DLG4: variants seen among roughly 807,000 people sequenced by gnomAD.
DLG4 encodes the protein discs large MAGUK scaffold protein 4, also known as disks large homolog 4.
In DLG4, 7 loss-of-function variants were observed where a neutral mutation model predicts 93.8. That is an observed-to-expected ratio of 0.07 (90% CI 0.04 to 0.14). DLG4 has a LOEUF of 0.14. Among genes scored for constraint, DLG4 ranks in the 10% least tolerant of loss-of-function variants. DLG4 has a pLI of 1.00. For synonymous variants in DLG4, 341 were observed against 387.6 expected (o/e 0.88, Z 1.41); for missense variants, 545 against 992.9 (o/e 0.55, Z 6.06).
chr17:7,192,911 G>C (rs982870020), intron 17 of DLG4, 34 bp downstream of exon 17: 2 of 1,567,542 alleles, frequency 1.3e-6, no homozygotes, highest in African/African-American at 2.7e-5. Context: ...GGAGAGGGGA[G>C]AAGGAAGAGG....
chr17:7,219,560 T>A (rs1443770561), upstream of DLG4: 2 of 1,108,298 alleles, frequency 1.8e-6, no homozygotes, highest in East Asian at 7.2e-5. Flanking sequence ...CTAGAGTCTG[T>A]CTTTCCATGT....
intron 1 of DLG4, among the ~76,000 whole-genome samples, chr17:7,209,821 G>T (rs1050821420): frequency 1.3e-4 from 19 of 151,768 alleles, no homozygotes; most frequent in Admixed American, 7.9e-4. Flanking sequence ...TGCCGAGGTG[G>T]GTACATCACC....
chr17:7,203,680 T>G lies in DLG4; in HGVS notation c.335+12A>C. 1 of 1,613,822 alleles carries G rather than the reference T, an allele frequency of 6.2e-7. No individual in the cohort carries two copies. The highest frequency in any genetic ancestry group is 1.1e-5 in the South Asian group (1 of 91,064). On this transcript the variant is annotated intron_variant, in intron 5 of 19. Transcript: ENST00000399506. This position sits in a 1 kb window ranked among gnomAD's most constrained non-coding sequence, Gnocchi z 7.2. ...GGGACCAAGCAACCTAACCCCTGTC[T>G]CCTCTCCCCACCTGAGGCGGCCATC...
upstream of DLG4, chr17:7,218,438 G>A: frequency 7.2e-7 from 1 of 1,389,150 alleles, no homozygotes. Context: ...GACCCTGCAT[G>A]GTGCTCCAGC....
In DLG4 at chr17:7,187,322, G is replaced by T. The variant is rs2069323432; in HGVS notation, c.*3386C>A. On this transcript the variant is annotated 3_prime_UTR_variant, in exon 20 of 20. Transcript: ENST00000399506. ...TGGGAGGCCGAGGGGGGGGGGGGTG[G>T]ATCACCCGAGGTCAGGAGTTCGAGA... is the stretch of plus-strand genomic sequence containing the variant. 8.2e-6 allele frequency among the ~76,000 whole-genome samples: 1 copy of T among 121,244 alleles called. No homozygotes were observed. Among genetic ancestry groups the T allele is most frequent in the African/African-American group, 2.7e-5 (1 of 37,020 alleles). 79.5% of individuals were successfully genotyped at this position (121,244 alleles called of 152,430 possible).
rs188310504 is a variant in DLG4 at position 7,203,346 on chromosome 17, C to G, written c.506-17G>C. ...AGCCAAGACCTGGATGGAGGGGAGG[C>G]CAGAGGTGGGTGCCCAGGAAGCAGG... On this transcript the variant is annotated splice_polypyrimidine_tract_variant and intron_variant, in intron 6 of 19. Transcript: ENST00000399506. The surrounding 1 kb of genome is among the most constrained non-coding windows in gnomAD (Gnocchi z 7.2). 1.4e-5 allele frequency: 23 copies of G among 1,593,300 alleles called. No individual in the cohort carries two copies. Among genetic ancestry groups the G allele is most frequent in the Non-Finnish European group, 8.6e-7 (1 of 1,164,412 alleles).
chr17:7,210,825 A>T (rs1365729503), intron 1 of DLG4, among the ~76,000 whole-genome samples: 1 of 152,082 alleles, frequency 6.6e-6, no homozygotes, highest in African/African-American at 2.4e-5. Flanking sequence ...GTCAGCGTGC[A>T]CCCAAAGAAA....
chr17:7,197,290 C>T (rs767240253), intron 8 of DLG4, among the ~76,000 whole-genome samples: 2 of 151,968 alleles, frequency 1.3e-5, no homozygotes, highest in Non-Finnish European at 2.9e-5. Context: ...GTTATATGTC[C>T]TCAGTATGCC....
Position 7,194,479 on chromosome 17 carries a change from C to T in DLG4, c.1318G>A (p.Asp440Asn), listed in dbSNP as rs1457576861. ...GFYIRALFDYDKTKDCGFLSQ... is the reference protein window; with the variant it reads ...GFYIRALFDYNKTKDCGFLSQ... ...AGGAAGCCGCAGTCCTTGGTCTTGT[C>T]GTAATCAAACAGGGCCCTGGAGGGC... Residue 440 changes from aspartate to asparagine, a missense_variant, in exon 12 of 20, where the codon GAC (aspartate) becomes AAC (asparagine). Asp to Asn is a conservative substitution (Grantham distance 23). Around this residue, in one of 5 missense-constraint regions of DLG4, gnomAD observed 428 missense variants for 741.4 expected, o/e 0.58. Coordinates refer to ENST00000399506, the MANE Select transcript of DLG4 (RefSeq NM_001321075.3). This position sits in a 1 kb window ranked among gnomAD's most constrained non-coding sequence, Gnocchi z 4.4. 2 of 1,606,782 alleles carry T rather than the reference C, an allele frequency of 1.2e-6. No individual in the cohort carries two copies. The highest frequency in any genetic ancestry group is 1.7e-6 in the Non-Finnish European group (2 of 1,176,830).
upstream of DLG4, chr17:7,219,902 G>A (rs879906860): frequency 1.9e-6 from 3 of 1,555,698 alleles, no homozygotes; most frequent in East Asian, 2.3e-5. Flanking sequence ...GATGAGTCAG[G>A]GTTAGGGGCG....
At chr17:7,216,259 C>A (rs1454628033) in intron 1 of DLG4, among the ~76,000 whole-genome samples, 1 of 152,110 alleles carries the variant, frequency 6.6e-6, no homozygotes, top group Non-Finnish European at 1.5e-5. Flanking sequence ...TTGATCAGGG[C>A]TAGATACAGT....
chr17:7,218,821 T>C (rs775264632), upstream of DLG4: 30 of 1,613,694 alleles, frequency 1.9e-5, no homozygotes, highest in Middle Eastern at 1.6e-4. Flanking sequence ...CAAGGAGCCC[T>C]GTTTTTCACC....
chr17:7,213,004 G>T (rs993156951), intron 1 of DLG4, among the ~76,000 whole-genome samples: 1 of 152,016 alleles, frequency 6.6e-6, no homozygotes, highest in African/African-American at 2.4e-5. Context: ...CTGCACTCTA[G>T]CCTAGGCGAC....
chr17:7,199,529 T>G (rs1241149004), intron 8 of DLG4, among the ~76,000 whole-genome samples: 1 of 152,102 alleles, frequency 6.6e-6, no homozygotes, highest in East Asian at 1.9e-4. Flanking sequence ...ATTATGATCT[T>G]AAAGATTTTA....
chr17:7,216,346 C>T (rs569268156), intron 1 of DLG4, among the ~76,000 whole-genome samples: 2 of 152,230 alleles, frequency 1.3e-5, no homozygotes, highest in African/African-American at 4.8e-5. Flanking sequence ...GGTCCCCCTC[C>T]TCAAATCCCC....
chr17:7,208,933 G>A lies in DLG4; in HGVS notation c.31-694C>T, dbSNP rs866746509. ...CACTGCCCTTGCTGGTTTCCAAGCA[G>A]TCAACAGAGGGGCCCCGGGAGTCTG... On this transcript the variant is annotated intron_variant, in intron 1 of 19. Coordinates refer to ENST00000399506, the MANE Select transcript of DLG4 (RefSeq NM_001321075.3). This position sits in a 1 kb window ranked among gnomAD's most constrained non-coding sequence, Gnocchi z 5.4. Among the ~76,000 whole-genome samples, 5 of 152,030 alleles carry A rather than the reference G, an allele frequency of 3.3e-5. No individual in the cohort carries two copies. The highest frequency in any genetic ancestry group is 1.2e-4 in the African/African-American group (5 of 41,362).
In DLG4 at chr17:7,203,827, G is replaced by C. The variant is rs781272492; in HGVS notation, c.211-11C>G. 15 of 1,613,354 alleles carry C rather than the reference G, an allele frequency of 9.3e-6. No individual in the cohort carries two copies. Among genetic ancestry groups the C allele is most frequent in the Non-Finnish European group, 1.3e-5 (15 of 1,179,650 alleles). ...CAGACCTGAGTTACCCTGGGTGAAG[G>C]AGGGGAAGAGGGTCAGCTCCCCTCA... On this transcript the variant is annotated splice_polypyrimidine_tract_variant and intron_variant, in intron 4 of 19. Coordinates refer to ENST00000399506, the MANE Select transcript of DLG4 (RefSeq NM_001321075.3). This position sits in a 1 kb window ranked among gnomAD's most constrained non-coding sequence, Gnocchi z 7.2.
rs900275475 is a variant in DLG4, at chr17:7,199,190, AT to A, written c.788-2139del. On this transcript the variant is annotated intron_variant, in intron 8 of 19. Coordinates refer to ENST00000399506, the MANE Select transcript of DLG4 (RefSeq NM_001321075.3). ...GAATGAGATTGCCTAGCATCCTCCA[AT>A]TTTTTTTTTAATTATTTATTTTTTT... Among the ~76,000 whole-genome samples the A allele has an allele frequency of 5.9e-4, 89 of 149,850 alleles. 1 individual carries two copies. In the East Asian group the frequency reaches 6.5e-3, roughly 11 times the overall value.
At chr17:7,192,125 T>G in intron 17 of DLG4, 123 bp from the exon 18 acceptor site, 1 of 513,682 alleles carries the variant, frequency 1.9e-6, no homozygotes, top group Non-Finnish European at 3.4e-6. Context: ...GGGAGTGACA[T>G]GGATGTCAAG....
Sources: allele counts gnomAD v4.1 joint callset (sites outside exome capture counted in the v4.1 genomes callset), GRCh38; gene constraint gnomAD v4.1.1; regional missense constraint gnomAD v4.1.1; non-coding constraint Gnocchi (gnomAD v3.1); transcripts MANE v1.5; gene names NCBI Gene and HGNC (gene_info 2026-07-23, HGNC 2026-07-21).